The following U2AF2 variants were observed in gnomAD, a reference collection of about 807,000 sequenced individuals.
The protein encoded by U2AF2 is splicing factor U2AF 65 kDa subunit.
In U2AF2, 6 loss-of-function variants were observed where a neutral mutation model predicts 52.6. The ratio of observed to expected loss-of-function variants is 0.11; its 90% CI spans 0.06 to 0.23. U2AF2 has a LOEUF of 0.23. Ranked by LOEUF, U2AF2 falls within the 10% of genes least tolerant of loss-of-function variation. U2AF2 has a pLI of 1.00. For synonymous variants in U2AF2, 284 were observed against 258.2 expected (o/e 1.10, Z -0.96); for missense variants, 222 against 677.1 (o/e 0.33, Z 7.46).
At chr19:55,667,437 G>A (rs1984614651) in intron 7 of U2AF2, among the ~76,000 whole-genome samples, 2 of 152,150 alleles carry the variant, frequency 1.3e-5, no homozygotes, top group Admixed American at 1.3e-4. Context: ...TGACAGGACG[G>A]CGTCAAGTTA....
chr19:55,664,736 T>C (rs1340200521), intron 7 of U2AF2, among the ~76,000 whole-genome samples: 1 of 152,158 alleles, frequency 6.6e-6, no homozygotes, highest in African/African-American at 2.4e-5. Context: ...TGTTGTTGTT[T>C]TGAGACAGTC....
Position 55,662,494 on chromosome 19 carries a change from C to T in U2AF2, c.487-8C>T, listed in dbSNP as rs765730852. 5 of 1,572,660 alleles carry T rather than the reference C, an allele frequency of 3.2e-6. No homozygotes were observed. The highest frequency in any genetic ancestry group is 1.1e-5 in the South Asian group (1 of 88,614). ...CGCCCCCCCCCTTGTCTCCTATTCCCTCTGCAGGAGGCCATGATGGATTTC... is the reference window on the plus strand; with the variant it reads ...CGCCCCCCCCCTTGTCTCCTATTCCTTCTGCAGGAGGCCATGATGGATTTC... On this transcript the variant is annotated splice_polypyrimidine_tract_variant and splice_region_variant and intron_variant, in intron 5 of 11. Transcript: ENST00000308924.
At chr19:55,655,385 G>A (rs781596318) in intron 1 of U2AF2, among the ~76,000 whole-genome samples, 3 of 152,168 alleles carry the variant, frequency 2.0e-5, no homozygotes, top group Non-Finnish European at 4.4e-5. Context: ...CACGGCGGCT[G>A]TCCCTGCGCC....
chr19:55,673,815 C>A, intron 11 of U2AF2, 119 bp from the exon 12 acceptor site: 11 of 1,407,768 alleles, frequency 7.8e-6, no homozygotes, highest in Non-Finnish European at 1.1e-5. Flanking sequence ...CTTTCTGACA[C>A]CTGTGGCGAA....
In U2AF2 at chr19:55,668,018, G is replaced by C. The variant is rs761024686; in HGVS notation, c.743-489G>C. 6.6e-6 allele frequency among the ~76,000 whole-genome samples: 1 copy of C among 152,108 alleles called. No individual in the cohort carries two copies. The highest frequency in any genetic ancestry group is 1.5e-5 in the Non-Finnish European group (1 of 68,010). ...CAGGATGGTCTTATCTCTTGACCTT[G>C]TGATCTGCCCGCCTTGGCCTCCCAA... On this transcript the variant is annotated intron_variant, in intron 7 of 11. Transcript: ENST00000308924. This position sits in a 1 kb window ranked among gnomAD's most constrained non-coding sequence, Gnocchi z 5.5.
In U2AF2 at chr19:55,661,060, T is replaced by C; in HGVS notation, c.357T>C (p.Thr119=). 1.9e-6 allele frequency: 3 copies of C among 1,590,424 alleles called. No individual in the cohort carries two copies. Among genetic ancestry groups the C allele is most frequent in the East Asian group, 2.3e-5 (1 of 43,868 alleles). ...AAGCTGCGGGTCAGATTCCAGCCAC[T>C]GCTCTTCTCCCCACCATGACCCCTG... ...AMQAAGQIPA[T]ALLPTMTPDG... is the part of the protein sequence containing the mutation. The change falls in exon 5 of 12, where the codon ACT becomes ACC. Residue 119 remains threonine, a synonymous_variant. Transcript: ENST00000308924.
intron 1 of U2AF2, among the ~76,000 whole-genome samples, chr19:55,656,008 G>A (rs914216845): frequency 6.6e-6 from 1 of 152,216 alleles, no homozygotes; most frequent in Non-Finnish European, 1.5e-5. Flanking sequence ...GAGGGAGGAA[G>A]AGGGATCTGG....
intron 1 of U2AF2, among the ~76,000 whole-genome samples, chr19:55,658,291 A>AC (rs142965715): frequency 7.6e-4 from 96 of 126,094 alleles, no homozygotes; most frequent in Admixed American, 2.3e-3. Flanking sequence ...GTGCTCATGA[A>AC]CCCCCCCGCC....
intron 1 of U2AF2, among the ~76,000 whole-genome samples, chr19:55,655,447 A>G (rs947458472): frequency 4.6e-5 from 7 of 152,358 alleles, no homozygotes; most frequent in Middle Eastern, 3.4e-3. Context: ...AGCGCGCCAG[A>G]TGCCTCGACG....
chr19:55,674,181 C>T lies in U2AF2; in HGVS notation c.*113C>T, dbSNP rs1227933873. On this transcript the variant is annotated 3_prime_UTR_variant, in exon 12 of 12. Transcript: ENST00000308924. ...CAGAGGAGTGACAGCCGCAGACACA[C>T]GACAGCCGGCAGCAACTGGAATGGC... 1.0e-6 allele frequency: 1 copy of T among 960,238 alleles called. No homozygotes were observed. The highest frequency in any genetic ancestry group is 3.4e-5 in the East Asian group (1 of 29,774). 59.5% of individuals were successfully genotyped at this position (960,238 alleles called of 1,614,324 possible).
chr19:55,670,241 T>A (rs1280808119), intron 11 of U2AF2, among the ~76,000 whole-genome samples: 1 of 152,056 alleles, frequency 6.6e-6, no homozygotes, highest in East Asian at 1.9e-4. Flanking sequence ...GATTTCAGAC[T>A]CTGCTAAGTC....
At chr19:55,673,322 CTT>C (rs11376705) in intron 11 of U2AF2, among the ~76,000 whole-genome samples, 1 of 146,408 alleles carries the variant, frequency 6.8e-6, no homozygotes, top group Non-Finnish European at 1.5e-5. Context: ...CTCACTCCCT[CTT>C]TTTTTTTTTT....
intron 2 of U2AF2, among the ~76,000 whole-genome samples, chr19:55,659,871 C>T (rs1984054175): frequency 1.3e-5 from 2 of 152,150 alleles, no homozygotes; most frequent in African/African-American, 2.4e-5. Context: ...CCTTTCTGTT[C>T]TCTGCCTCCT....
intron 7 of U2AF2, among the ~76,000 whole-genome samples, chr19:55,666,100 C>T (rs1226135369): frequency 3.9e-5 from 6 of 152,156 alleles, no homozygotes; most frequent in East Asian, 1.9e-4. Context: ...GAGCTTGACT[C>T]TTCTGAAGGT....
chr19:55,666,348 C>G (rs1984549343), intron 7 of U2AF2, among the ~76,000 whole-genome samples: 2 of 152,370 alleles, frequency 1.3e-5, no homozygotes, highest in Admixed American at 1.3e-4. Flanking sequence ...GTATGGGGCC[C>G]TGTTTCCCCG....
chr19:55,663,689 T>C lies in U2AF2; in HGVS notation c.687T>C (p.Pro229=), dbSNP rs1328105945. ...FQGQSLKIRR[P]HDYQPLPGMS... is the part of the protein sequence containing the mutation. ...GCCAGTCACTAAAGATCCGCAGGCC[T>C]CACGACTACCAGCCGCTTCCTGGCA... is the stretch of plus-strand genomic sequence containing the variant. Residue 229 remains proline, a synonymous_variant, in exon 7 of 12, where the codon CCT becomes CCC. Coordinates refer to ENST00000308924, the MANE Select transcript of U2AF2 (RefSeq NM_007279.3). The C allele has an allele frequency of 8.7e-6, 14 of 1,614,152 alleles. No individual in the cohort carries two copies. Among genetic ancestry groups the C allele is most frequent in the Non-Finnish European group, 1.2e-5 (14 of 1,180,018 alleles).
chr19:55,667,099 TGG>T (rs1307471357), intron 7 of U2AF2, among the ~76,000 whole-genome samples: 1 of 152,184 alleles, frequency 6.6e-6, no homozygotes, highest in African/African-American at 2.4e-5. Context: ...GGGGTCTGTG[TGG>T]CCCCAGTCTG....
At position 55,655,160 on chromosome 19, in the gene U2AF2, G is replaced by C. The variant is rs551726572; in HGVS notation, c.49+7G>C. ...CTCAACGAGAATAAACAAGGTGAGG[G>C]CACCGGGGTCGCGGGGCGGAGGTGT... On this transcript the variant is annotated splice_region_variant and intron_variant, in intron 1 of 11. Transcript: ENST00000308924. 8 of 1,602,460 alleles carry C rather than the reference G, an allele frequency of 5.0e-6. No individual in the cohort carries two copies. In the East Asian group the frequency reaches 1.6e-4, roughly 33 times the overall value.
chr19:55,657,744 T>C (rs1010637053), intron 1 of U2AF2, among the ~76,000 whole-genome samples: 1 of 152,234 alleles, frequency 6.6e-6, no homozygotes, highest in Admixed American at 6.5e-5. Flanking sequence ...CTGAGTGTTC[T>C]GCCTGATCCA....
Sources: allele counts gnomAD v4.1 joint callset (sites outside exome capture counted in the v4.1 genomes callset), GRCh38; gene constraint gnomAD v4.1.1; non-coding constraint Gnocchi (gnomAD v3.1); transcripts MANE v1.5; gene names NCBI Gene and HGNC (gene_info 2026-07-23, HGNC 2026-07-21).